ROBO2: variants seen among roughly 807,000 people sequenced by gnomAD.
ROBO2 encodes roundabout guidance receptor 2.
Under a neutral mutation model 160.8 loss-of-function variants are expected in ROBO2, and 53 were observed. That is an observed-to-expected ratio of 0.33 (90% CI 0.26 to 0.41). ROBO2 has a LOEUF of 0.41. Among genes scored for constraint, ROBO2 ranks in the 10% least tolerant of loss-of-function variants. ROBO2 has a pLI of 1.00. For missense variants in ROBO2, 1,577 were observed against 1,722.4 expected (o/e 0.92, Z 1.49); for synonymous variants, 664 against 611.7 (o/e 1.09, Z -1.26).
chr3:76,567,628 TATATATATATATATATATATATATAC>T (rs1224952515), intron 2 of ROBO2, among the ~76,000 whole-genome samples: 2 of 72,156 alleles, frequency 2.8e-5, no homozygotes, highest in African/African-American at 9.9e-5. Context: ...CTGATATATA[TATATATATATATATATATATATATAC>T]ACATACACAT....
chr3:76,485,578 T>G (rs968661132), intron 2 of ROBO2, among the ~76,000 whole-genome samples: 9 of 152,120 alleles, frequency 5.9e-5, no homozygotes, highest in African/African-American at 2.2e-4. Flanking sequence ...CCATAAAATG[T>G]GGAAAGACCT....
chr3:76,866,647 A>G (rs1419476113), intron 2 of ROBO2, among the ~76,000 whole-genome samples: 5 of 152,176 alleles, frequency 3.3e-5, no homozygotes, highest in Non-Finnish European at 5.9e-5. Flanking sequence ...TATTACTTCT[A>G]TACACTTAAT....
intron 2 of ROBO2, chr3:76,435,153 A>T: frequency 2.0e-6 from 2 of 994,308 alleles, no homozygotes; most frequent in East Asian, 4.8e-5. Context: ...ATTTGATGAC[A>T]TGGTGGGCAT....
intron 2 of ROBO2, among the ~76,000 whole-genome samples, chr3:77,407,889 T>G (rs1436444706): frequency 6.6e-6 from 1 of 152,202 alleles, no homozygotes; most frequent in African/African-American, 2.4e-5. Flanking sequence ...AGGTGGTCAT[T>G]GACAGAATTG....
At chr3:76,110,093 G>A (rs983374990) in intron 2 of ROBO2, among the ~76,000 whole-genome samples, 2 of 151,060 alleles carry the variant, frequency 1.3e-5, no homozygotes, top group Non-Finnish European at 2.9e-5. Context: ...CATTCCATCT[G>A]TCTTAAACTA....
At chr3:76,790,688 A>G (rs1039534241) in intron 2 of ROBO2, among the ~76,000 whole-genome samples, 1 of 151,868 alleles carries the variant, frequency 6.6e-6, no homozygotes. Flanking sequence ...ATATATTACT[A>G]TTTTAAAAGA....
rs1174587812 is a variant in ROBO2, at chr3:77,075,672, C to CTTTTTTTTTTTTTTTTTTTTTTT, written c.62-22341_62-22319dup. Among the ~76,000 whole-genome samples the CTTTTTTTTTTTTTTTTTTTTTTT allele has an allele frequency of 2.3e-5, 2 of 87,254 alleles. 1 individual carries two copies. The allele number at this position is 87,254 out of a possible 152,430, so 57.2% of individuals were successfully genotyped here. On this transcript the variant is annotated intron_variant, in intron 1 of 25. Coordinates refer to ENST00000461745, the Ensembl canonical transcript of ROBO2. ...ATACACTACTATTTCTTTCTTTCTC[C>CTTTTTTTTTTTTTTTTTTTTTTT]TTTTTTTTTTTTTTTTTTTTTTTGA... is the stretch of plus-strand genomic sequence containing the variant.
intron 2 of ROBO2, among the ~76,000 whole-genome samples, chr3:76,201,096 A>T (rs1003165566): frequency 6.6e-6 from 1 of 152,158 alleles, no homozygotes; most frequent in Non-Finnish European, 1.5e-5. Context: ...TAATTTTGCA[A>T]AACAACAAAA....
At chr3:77,281,780 T>A (rs746834631) in intron 2 of ROBO2, among the ~76,000 whole-genome samples, 3 of 152,146 alleles carry the variant, frequency 2.0e-5, no homozygotes, top group Non-Finnish European at 2.9e-5. Flanking sequence ...TGAAACTGTT[T>A]CACCTCGGTC....
intron 2 of ROBO2, among the ~76,000 whole-genome samples, chr3:76,321,486 G>C (rs993584258): frequency 7.7e-6 from 1 of 130,510 alleles, no homozygotes; most frequent in Non-Finnish European, 1.7e-5. Flanking sequence ...AACAGAGCGA[G>C]GCTCCATCTC....
At position 76,719,555 on chromosome 3, in the gene ROBO2, G is replaced by A. The variant is rs117354711; in HGVS notation, c.110-378459G>A. On this transcript the variant is annotated intron_variant, in intron 2 of 26. Coordinates refer to the ROBO2 transcript ENST00000487694. ...CATCTGAAATACATATCATTAATTC[G>A]TTCTGAATTTTGTTGTTAACAATTT... Among the ~76,000 whole-genome samples the A allele has an allele frequency of 1.2e-3, 180 of 152,222 alleles. No homozygotes were observed. In the East Asian group the frequency reaches 0.025, roughly 21 times the overall value.
intron 2 of ROBO2, among the ~76,000 whole-genome samples, chr3:77,351,816 G>C (rs186552258): frequency 6.6e-6 from 1 of 151,962 alleles, no homozygotes; most frequent in South Asian, 2.1e-4. Flanking sequence ...CCAACAATAA[G>C]AGTCGCAGGT....
At chr3:76,313,460 A>C (rs1267924166) in intron 2 of ROBO2, among the ~76,000 whole-genome samples, 2 of 152,170 alleles carry the variant, frequency 1.3e-5, no homozygotes, top group Non-Finnish European at 2.9e-5. Context: ...TTCACAATGT[A>C]AGGATCTTCA....
intron 2 of ROBO2, among the ~76,000 whole-genome samples, chr3:76,951,178 C>A (rs1226737383): frequency 6.6e-6 from 1 of 152,220 alleles, no homozygotes; most frequent in East Asian, 1.9e-4. Flanking sequence ...ACCATTAACA[C>A]TGTGCTTGGC....
chr3:76,622,973 A>G (rs1341959835), intron 2 of ROBO2, among the ~76,000 whole-genome samples: 1 of 152,164 alleles, frequency 6.6e-6, no homozygotes, highest in African/African-American at 2.4e-5. Context: ...GCCATGCTCC[A>G]CAGATCTTGC....
chr3:76,141,153 CTCTCTCTA>C lies in ROBO2; in HGVS notation c.109+203553_109+203560del, dbSNP rs1481107932. ...TCTCTCTCTCTCTCTCTCTCTCTCTCTCTCTCTATATATATATATATATATATATATAT... is the reference window on the plus strand; with the variant it reads ...TCTCTCTCTCTCTCTCTCTCTCTCTCTATATATATATATATATATATATAT... On this transcript the variant is annotated intron_variant, in intron 2 of 26. Coordinates refer to the ROBO2 transcript ENST00000487694. Among the ~76,000 whole-genome samples the C allele has an allele frequency of 6.0e-3, 208 of 34,624 alleles. 1 individual carries two copies. Among genetic ancestry groups the C allele is most frequent in the Middle Eastern group, 0.017 (1 of 60 alleles). The allele number at this position is 34,624 out of a possible 152,430, so 22.7% of individuals were successfully genotyped here. A position where few individuals can be genotyped will look rare whatever the true frequency, so the allele number is the denominator to read the frequency against.
At chr3:77,399,160 G>A (rs1002555251) in intron 2 of ROBO2, among the ~76,000 whole-genome samples, 1 of 151,900 alleles carries the variant, frequency 6.6e-6, no homozygotes, top group African/African-American at 2.4e-5. Flanking sequence ...AAATACTTGG[G>A]GCAGTAAATG....
chr3:77,214,573 C>A (rs62251853), intron 2 of ROBO2, among the ~76,000 whole-genome samples: 9,350 of 152,072 alleles, frequency 0.061, 403 homozygotes, highest in East Asian at 0.22. Flanking sequence ...CATTTAGCCC[C>A]TTTACATTTA....
intron 2 of ROBO2, among the ~76,000 whole-genome samples, chr3:77,230,874 ATTAAC>A (rs2087092452): frequency 6.6e-6 from 1 of 152,188 alleles, no homozygotes; most frequent in Admixed American, 6.5e-5. Context: ...TATGAAAATA[ATTAAC>A]TTAGCCTTTA....
Sources: allele counts gnomAD v4.1 joint callset (sites outside exome capture counted in the v4.1 genomes callset), GRCh38; gene constraint gnomAD v4.1.1; transcripts MANE v1.5; gene names NCBI Gene and HGNC (gene_info 2026-07-23, HGNC 2026-07-21).